Variants in CDH4 observed in about 807,000 individuals in gnomAD.
CDH4 encodes cadherin 4.
CDH4 carries 33 observed loss-of-function variants against 86.0 expected under a neutral mutation model. The observed-to-expected ratio is 0.38, with a 90% CI of 0.29 to 0.51. The LOEUF (loss-of-function observed/expected upper bound fraction) is 0.51, where lower values mean the gene tolerates loss of function less well. CDH4 is among the 20% of genes least tolerant of loss of function. The probability of loss-of-function intolerance (pLI) is 0.86; values close to 1 mark genes in which losing one functional copy is unlikely to be tolerated. For synonymous variants in CDH4, 555 were observed against 549.4 expected, an observed-to-expected ratio of 1.01 and a Z score of -0.14; for missense variants, 1,114 against 1,307.4, an observed-to-expected ratio of 0.85 and a Z score of 2.28.
intron 7 of CDH4, 99 bp downstream of exon 7, chr20:61,873,999 G>A (rs781421861): frequency 2.3e-6 from 3 of 1,317,768 alleles, no homozygotes; most frequent in Non-Finnish European, 2.1e-6. Flanking sequence ...CGCCGTCGGG[G>A]AGTGATCGAC....
chr20:61,503,190 G>A (rs2427140), intron 2 of CDH4, among the ~76,000 whole-genome samples: 53,987 of 151,728 alleles, frequency 0.36, 11,514 homozygotes, highest in Admixed American at 0.51. Context: ...TCTAAGAAAC[G>A]GGATATACGT....
chr20:61,546,789 G>T (rs978039402), intron 2 of CDH4, among the ~76,000 whole-genome samples: 2 of 152,168 alleles, frequency 1.3e-5, no homozygotes, highest in Non-Finnish European at 2.9e-5. Flanking sequence ...GAATCTGATT[G>T]GGAGTGTAGG....
intron 7 of CDH4, among the ~76,000 whole-genome samples, chr20:61,878,860 C>T (rs1360648264): frequency 1.3e-5 from 2 of 152,148 alleles, no homozygotes; most frequent in Non-Finnish European, 2.9e-5. Flanking sequence ...GCCAAAGACT[C>T]GGCGGGGGTG....
chr20:61,773,219 G>C (rs758149509), intron 4 of CDH4, 37 bp downstream of exon 4: 5 of 1,487,956 alleles, frequency 3.4e-6, no homozygotes, highest in Admixed American at 4.3e-5. Flanking sequence ...CGGGGGTCTC[G>C]GCGTTAGCAG....
At chr20:61,932,785 GCA>G (rs924924056) in intron 13 of CDH4, among the ~76,000 whole-genome samples, 198 bp from the exon 14 acceptor site, 1 of 152,242 alleles carries the variant, frequency 6.6e-6, no homozygotes, top group Non-Finnish European at 1.5e-5. Flanking sequence ...CCGCACATGT[GCA>G]CAGATGTGTC....
intron 2 of CDH4, among the ~76,000 whole-genome samples, chr20:61,338,975 G>T (rs1377790690): frequency 6.6e-6 from 1 of 152,042 alleles, no homozygotes. Context: ...AAACCAAAAT[G>T]TCCAATGATA....
At chr20:61,409,001 C>T (rs923545036) in intron 2 of CDH4, among the ~76,000 whole-genome samples, 2 of 152,180 alleles carry the variant, frequency 1.3e-5, no homozygotes, top group Non-Finnish European at 2.9e-5. Context: ...TTTAAGGTTC[C>T]GGAAACTGTG....
At chr20:61,570,393 G>A (rs1010591842) in intron 2 of CDH4, 5 of 402,984 alleles carry the variant, frequency 1.2e-5, no homozygotes, top group Admixed American at 3.7e-5. Context: ...GGGACCAGAC[G>A]GGCCTGGCTG....
chr20:61,419,913 C>T (rs1036693321), intron 2 of CDH4, among the ~76,000 whole-genome samples: 2 of 152,202 alleles, frequency 1.3e-5, no homozygotes, highest in African/African-American at 2.4e-5. Context: ...ATCATTCAGT[C>T]GGTGATCATC....
At position 61,709,119 on chromosome 20, in the gene CDH4, G is replaced by A. The variant is rs747740511; in HGVS notation, c.170-34444G>A. Among the ~76,000 whole-genome samples the A allele has an allele frequency of 1.3e-5, 2 of 152,150 alleles. No homozygotes were observed. Among genetic ancestry groups the A allele is most frequent in the Non-Finnish European group, 2.9e-5 (2 of 68,026 alleles). ...CACCCCAAAGCCTCGGGTCCCAGTG[G>A]CGTAGCGGCCGCCCAAATGATGAGC... On this transcript the variant is annotated intron_variant, in intron 2 of 15. Coordinates refer to ENST00000614565, the MANE Select transcript of CDH4 (RefSeq NM_001794.5). This position sits in a 1 kb window ranked among gnomAD's most constrained non-coding sequence, Gnocchi z 4.8.
At chr20:61,672,341 G>A (rs1255477655) in intron 2 of CDH4, among the ~76,000 whole-genome samples, 1 of 152,144 alleles carries the variant, frequency 6.6e-6, no homozygotes, top group Non-Finnish European at 1.5e-5. Flanking sequence ...CATATCAGGT[G>A]CTCTGTACGT....
chr20:61,290,520 G>A (rs1052022148), intron 2 of CDH4, among the ~76,000 whole-genome samples: 21 of 152,228 alleles, frequency 1.4e-4, no homozygotes, highest in African/African-American at 5.1e-4. Flanking sequence ...AGACTTGCTG[G>A]GTTTAGCACC....
At chr20:61,930,581 C>T (rs1456252235) in intron 13 of CDH4, among the ~76,000 whole-genome samples, 1 of 152,216 alleles carries the variant, frequency 6.6e-6, no homozygotes, top group Non-Finnish European at 1.5e-5. Context: ...ACGTCCAGAA[C>T]AGGCGGCAGG....
chr20:61,601,172 G>A (rs1468011522), intron 2 of CDH4, among the ~76,000 whole-genome samples: 1 of 152,196 alleles, frequency 6.6e-6, no homozygotes, highest in Non-Finnish European at 1.5e-5. Context: ...ACTCATAATG[G>A]AAGGCAAAGC....
intron 6 of CDH4, among the ~76,000 whole-genome samples, chr20:61,857,791 C>T (rs929822091): frequency 7.2e-5 from 11 of 152,274 alleles, no homozygotes; most frequent in African/African-American, 1.7e-4. Flanking sequence ...CTTGCAGAAC[C>T]GCAGTGCAGG....
At chr20:61,734,592 A>C (rs951305409) in intron 2 of CDH4, among the ~76,000 whole-genome samples, 1 of 143,056 alleles carries the variant, frequency 7.0e-6, no homozygotes, top group Non-Finnish European at 1.5e-5. Context: ...GGGTGTGGGA[A>C]ACTGTTTGAA....
intron 2 of CDH4, among the ~76,000 whole-genome samples, chr20:61,266,435 C>T (rs2084158560): frequency 6.6e-6 from 1 of 151,886 alleles, no homozygotes; most frequent in African/African-American, 2.4e-5. Flanking sequence ...GAAATGTTGA[C>T]ATTTTTTGCT....
At chr20:61,899,573 G>A (rs371140380) in intron 8 of CDH4, among the ~76,000 whole-genome samples, 10 of 152,096 alleles carry the variant, frequency 6.6e-5, no homozygotes, top group East Asian at 5.9e-4. Flanking sequence ...AACTACAGGC[G>A]CCTGCCACCA....
chr20:61,421,159 G>A (rs189512498), intron 2 of CDH4, among the ~76,000 whole-genome samples: 2 of 152,182 alleles, frequency 1.3e-5, no homozygotes, highest in African/African-American at 4.8e-5. Flanking sequence ...GGCTGGGAGG[G>A]GACACAAGGT....
Sources: allele counts gnomAD v4.1 joint callset (sites outside exome capture counted in the v4.1 genomes callset), GRCh38; gene constraint gnomAD v4.1.1; non-coding constraint Gnocchi (gnomAD v3.1); transcripts MANE v1.5; gene names NCBI Gene and HGNC (gene_info 2026-07-23, HGNC 2026-07-21).